Variants in BRAP observed in about 807,000 individuals in gnomAD.
BRAP encodes BRCA1-associated protein.
A neutral mutation model predicts 73.4 loss-of-function variants in BRAP; 42 were observed. The ratio of observed to expected loss-of-function variants is 0.57; its 90% CI spans 0.45 to 0.74. The LOEUF (loss-of-function observed/expected upper bound fraction) is 0.74, where lower values mean the gene tolerates loss of function less well. Ranked by LOEUF, BRAP falls within the 30% of genes least tolerant of loss-of-function variation. BRAP has a pLI of 0.00. For missense variants in BRAP, 593 were observed against 751.4 expected (o/e 0.79, Z 2.46); for synonymous variants, 255 against 267.4 (o/e 0.95, Z 0.45).
intron 5 of BRAP, among the ~76,000 whole-genome samples, chr12:111,668,338 AT>A (rs59385122): frequency 0.018 from 2,650 of 150,668 alleles, 77 homozygotes; most frequent in African/African-American, 0.055. Context: ...TACAATGTTA[AT>A]TTTTTTTTTT....
At chr12:111,660,573 T>C in intron 7 of BRAP, 27 bp downstream of exon 7, 1 of 1,575,606 alleles carries the variant, frequency 6.3e-7, no homozygotes, top group Non-Finnish European at 8.6e-7. Flanking sequence ...CTGCATTCTT[T>C]GTTCTTTTCC....
At chr12:111,678,670 C>CA (rs925282770) in intron 4 of BRAP, among the ~76,000 whole-genome samples, 25 of 146,610 alleles carry the variant, frequency 1.7e-4, no homozygotes, top group African/African-American at 6.2e-4. Context: ...AAGAAACAAA[C>CA]AAAAAAACAC....
At chr12:111,649,776 G>A (rs916719382) in intron 11 of BRAP, among the ~76,000 whole-genome samples, 163 bp downstream of exon 11, 2 of 152,228 alleles carry the variant, frequency 1.3e-5, no homozygotes, top group African/African-American at 4.8e-5. Context: ...CATCTGGTAT[G>A]AAACCCCGCA....
intron 4 of BRAP, among the ~76,000 whole-genome samples, chr12:111,674,790 G>C (rs768845865): frequency 3.9e-5 from 6 of 152,152 alleles, no homozygotes; most frequent in Non-Finnish European, 7.3e-5. Context: ...CATTCTTCAG[G>C]AGCAACGGTT....
At chr12:111,656,861 G>A (rs1463734060) in intron 9 of BRAP, among the ~76,000 whole-genome samples, 1 of 152,062 alleles carries the variant, frequency 6.6e-6, no homozygotes, top group Non-Finnish European at 1.5e-5. Flanking sequence ...AGCCTCCTGA[G>A]TAGCTGGAAC....
At chr12:111,682,867 G>A (rs1887657674) in intron 2 of BRAP, among the ~76,000 whole-genome samples, 1 of 151,844 alleles carries the variant, frequency 6.6e-6, no homozygotes, top group Non-Finnish European at 1.5e-5. Flanking sequence ...ACCCGACATT[G>A]CACCACTGCA....
chr12:111,676,841 T>C (rs531454460), intron 4 of BRAP, among the ~76,000 whole-genome samples: 2 of 152,180 alleles, frequency 1.3e-5, no homozygotes, highest in African/African-American at 2.4e-5. Context: ...ACAGCCGATA[T>C]TAGTTTAACT....
chr12:111,679,308 C>A lies in BRAP; in HGVS notation c.476G>T (p.Arg159Leu), dbSNP rs760754350. The change falls in exon 4 of 12, where the codon CGC becomes CTC. Residue 159 changes from arginine to leucine, a missense_variant. Around this residue, in one of 4 missense-constraint regions of BRAP, gnomAD observed 304 missense variants for 337.7 expected, o/e 0.90. Coordinates refer to ENST00000419234, the MANE Select transcript of BRAP (RefSeq NM_006768.5). ...KMTSLKEDVRRSAMLCILTVP... is the reference protein window; with the variant it reads ...KMTSLKEDVRLSAMLCILTVP... The stretch of plus-strand genomic sequence containing the variant: ...TGTGAGAATACACAGCATGGCACTG[C>A]GCCGCACATCTTCTTTTAAGGAGGT... 7 of 1,567,328 alleles carry A rather than the reference C, an allele frequency of 4.5e-6. No homozygotes were observed. Among genetic ancestry groups the A allele is most frequent in the African/African-American group, 4.1e-5 (3 of 73,616 alleles).
Position 111,681,777 on chromosome 12 carries a change from T to C in BRAP, c.303A>G (p.Gln101=), listed in dbSNP as rs748331621. ...RKSSEASPTA[Q]RSKDHSKECI... Reference sequence around the variant, plus strand: ...ATTCCTTACTGTGATCTTTACTTCTTTGCGCAGTGGGGGAGGCTTCTGAAG... The same window carrying C: ...ATTCCTTACTGTGATCTTTACTTCTCTGCGCAGTGGGGGAGGCTTCTGAAG... Residue 101 remains glutamine, a synonymous_variant, in exon 3 of 12, where the codon CAA becomes CAG. Transcript: ENST00000419234. 8 of 1,614,058 alleles carry C rather than the reference T, an allele frequency of 5.0e-6. No homozygotes were observed. In the East Asian group the frequency reaches 1.8e-4, roughly 36 times the overall value.
Position 111,644,290 on chromosome 12 carries a change from T to C in BRAP, c.1688A>G (p.Asn563Ser). Residue 563 changes from asparagine to serine, a missense_variant, in exon 12 of 12, where the codon AAC becomes AGC. Around this residue, in one of 4 missense-constraint regions of BRAP, gnomAD observed 79 missense variants for 65.3 expected, o/e 1.21. Transcript: ENST00000419234. ...TRQEIQEGQI[N>S]IAMASASSPA... ...GCTCGAGGCCGAGGCCATGGCGATG[T>C]TGATCTGTCCCTCCTGGATTTCCTG... is the stretch of plus-strand genomic sequence containing the variant. The C allele has an allele frequency of 1.2e-6, 2 of 1,614,190 alleles. No individual in the cohort carries two copies. Among genetic ancestry groups the C allele is most frequent in the Non-Finnish European group, 1.7e-6 (2 of 1,180,040 alleles).
chr12:111,655,538 C>T (rs755005578), intron 10 of BRAP, 28 bp downstream of exon 10: 6 of 1,573,270 alleles, frequency 3.8e-6, no homozygotes, highest in Non-Finnish European at 3.5e-6. Flanking sequence ...GTGTCATTTC[C>T]GCAGTCACCC....
chr12:111,675,758 T>C (rs1038564135), intron 4 of BRAP, among the ~76,000 whole-genome samples: 4 of 152,024 alleles, frequency 2.6e-5, no homozygotes, highest in African/African-American at 9.7e-5. Context: ...TCCATTATGA[T>C]CAAGTTCCTT....
At chr12:111,667,033 A>C (rs1238651705) in intron 5 of BRAP, among the ~76,000 whole-genome samples, 1 of 152,212 alleles carries the variant, frequency 6.6e-6, no homozygotes, top group East Asian at 1.9e-4. Flanking sequence ...GGTCAAGAAA[A>C]GAATATCTAG....
rs1021184482 is a variant in BRAP at position 111,642,288 on chromosome 12, A to T, written c.*1911T>A. 1 of 151,918 alleles carries T rather than the reference A, an allele frequency of 6.6e-6. No individual in the cohort carries two copies. Among genetic ancestry groups the T allele is most frequent in the African/African-American group, 2.4e-5 (1 of 41,342 alleles). The allele number at this position is 151,918 out of a possible 1,614,324, so 9.4% of individuals were successfully genotyped here. A position where few individuals can be genotyped will look rare whatever the true frequency, so the allele number is the denominator to read the frequency against. On this transcript the variant is annotated 3_prime_UTR_variant, in exon 12 of 12. Coordinates refer to ENST00000419234, the MANE Select transcript of BRAP (RefSeq NM_006768.5). ...TTCAAACATGACTCTTTGACTGTTTAAAAAAAAATTTTTTTTTCTTTACGT... is the reference window on the plus strand; with the variant it reads ...TTCAAACATGACTCTTTGACTGTTTTAAAAAAAATTTTTTTTTCTTTACGT...
At chr12:111,678,178 G>A (rs1887457352) in intron 4 of BRAP, among the ~76,000 whole-genome samples, 1 of 150,958 alleles carries the variant, frequency 6.6e-6, no homozygotes, top group Admixed American at 6.6e-5. Context: ...GAACCCAGGA[G>A]GTGGAGGTTG....
intron 5 of BRAP, among the ~76,000 whole-genome samples, chr12:111,671,457 C>T (rs1366875388): frequency 6.6e-6 from 1 of 151,918 alleles, no homozygotes; most frequent in Non-Finnish European, 1.5e-5. Context: ...GGGTGAGGCA[C>T]AAGAATCGCT....
chr12:111,658,922 T>A, intron 8 of BRAP, 77 bp from the exon 9 acceptor site: 2 of 1,162,488 alleles, frequency 1.7e-6, no homozygotes, highest in African/African-American at 3.1e-5. Flanking sequence ...TGACAAAATT[T>A]TTTTTTCAGA....
chr12:111,664,445 T>C (rs992392783), intron 6 of BRAP, among the ~76,000 whole-genome samples: 7 of 152,148 alleles, frequency 4.6e-5, no homozygotes, highest in Non-Finnish European at 8.8e-5. Context: ...CATATCTCAG[T>C]ATGGCTTTGT....
chr12:111,646,884 T>C (rs1204538360), intron 11 of BRAP, among the ~76,000 whole-genome samples: 1 of 152,198 alleles, frequency 6.6e-6, no homozygotes, highest in East Asian at 1.9e-4. Flanking sequence ...AAAAGAGACA[T>C]GGAGGAAGAT....
Sources: allele counts gnomAD v4.1 joint callset (sites outside exome capture counted in the v4.1 genomes callset), GRCh38; gene constraint gnomAD v4.1.1; regional missense constraint gnomAD v4.1.1; transcripts MANE v1.5; gene names NCBI Gene and HGNC (gene_info 2026-07-23, HGNC 2026-07-21).